CCDC179: variants seen among roughly 807,000 people sequenced by gnomAD.
CCDC179 encodes the protein coiled-coil domain containing 179.
In CCDC179, 17 loss-of-function variants were observed where a neutral mutation model predicts 12.0. That is an observed-to-expected ratio of 1.42 (90% CI 0.97 to 2.13). CCDC179 has a LOEUF of 2.13. CCDC179 is among the 30% of genes most tolerant of loss of function. The pLI, the probability that CCDC179 is intolerant of heterozygous loss-of-function variation, is 0.00. For synonymous variants in CCDC179, 27 were observed against 26.4 expected (o/e 1.02, Z -0.07); for missense variants, 83 against 78.6 (o/e 1.06, Z -0.21).
intron 3 of CCDC179, among the ~76,000 whole-genome samples, chr11:22,851,720 A>C (rs563662162): frequency 1.3e-5 from 2 of 152,364 alleles, no homozygotes; most frequent in South Asian, 4.1e-4. Flanking sequence ...AGAGCTTGCC[A>C]GGAACAAAAT....
At chr11:22,848,380 G>T (rs565312953) in intron 3 of CCDC179, among the ~76,000 whole-genome samples, 4 of 151,968 alleles carry the variant, frequency 2.6e-5, no homozygotes, top group Non-Finnish European at 5.9e-5. Context: ...GGAGGCGGAG[G>T]TTGCAGTGAG....
intron 3 of CCDC179, 95 bp from the exon 4 acceptor site, chr11:22,847,616 C>T: frequency 1.8e-6 from 1 of 554,412 alleles, no homozygotes; most frequent in Non-Finnish European, 2.8e-6. Flanking sequence ...GAAATGGTCT[C>T]ATGGAAAACC....
At chr11:22,859,410 A>G (rs886490210) in intron 2 of CCDC179, 42 bp downstream of exon 2, 5 of 1,368,710 alleles carry the variant, frequency 3.7e-6, no homozygotes, top group South Asian at 3.1e-5. Flanking sequence ...TACAAGCACA[A>G]TGTTTAAACA....
intron 3 of CCDC179, among the ~76,000 whole-genome samples, chr11:22,847,885 T>C (rs1858263884): frequency 6.6e-6 from 1 of 152,112 alleles, no homozygotes; most frequent in Non-Finnish European, 1.5e-5. Context: ...ATAGATGTGA[T>C]AGAGATGTTA....
intron 3 of CCDC179, among the ~76,000 whole-genome samples, chr11:22,850,699 CA>C (rs1008795625): frequency 2.0e-5 from 3 of 151,288 alleles, no homozygotes; most frequent in African/African-American, 7.3e-5. Context: ...TGTTAAGGGC[CA>C]AGTCATGGAA....
intron 3 of CCDC179, among the ~76,000 whole-genome samples, chr11:22,848,729 C>A (rs1364430421): frequency 6.6e-6 from 1 of 151,904 alleles, no homozygotes; most frequent in East Asian, 1.9e-4. Context: ...AAGCAAATTG[C>A]AAAATGTATA....
At chr11:22,853,733 A>C (rs887038857) in intron 3 of CCDC179, among the ~76,000 whole-genome samples, 1 of 150,728 alleles carries the variant, frequency 6.6e-6, no homozygotes, top group African/African-American at 2.5e-5. Flanking sequence ...AGGAAGAAGA[A>C]AGGAAGGAAG....
intron 3 of CCDC179, among the ~76,000 whole-genome samples, chr11:22,852,668 G>A (rs1370972607): frequency 6.6e-6 from 1 of 152,122 alleles, no homozygotes; most frequent in East Asian, 1.9e-4. Flanking sequence ...CCAACCAGCA[G>A]CCCATTCCCA....
intron 3 of CCDC179, 61 bp downstream of exon 3, chr11:22,857,861 A>G: frequency 1.2e-6 from 1 of 824,186 alleles, no homozygotes; most frequent in South Asian, 2.1e-5. Context: ...TACATGAATT[A>G]AAATGATGAT....
Position 22,847,309 on chromosome 11 carries a change from T to C in CCDC179, c.*201A>G. On this transcript the variant is annotated 3_prime_UTR_variant, in exon 4 of 4. Transcript: ENST00000532798. ...TCAAGTTTACCACAGGAAAGAAAAATATGGTAGTGAGAGATGGCATTTAAT... is the reference window on the plus strand; with the variant it reads ...TCAAGTTTACCACAGGAAAGAAAAACATGGTAGTGAGAGATGGCATTTAAT... The C allele has an allele frequency of 5.4e-6, 2 of 372,010 alleles. No individual in the cohort carries two copies. Among genetic ancestry groups the C allele is most frequent in the Non-Finnish European group, 9.5e-6 (2 of 210,888 alleles). The allele number at this position is 372,010 out of a possible 1,614,324, so 23.0% of individuals were successfully genotyped here. A position where few individuals can be genotyped will look rare whatever the true frequency, so the allele number is the denominator to read the frequency against.
intron 3 of CCDC179, among the ~76,000 whole-genome samples, chr11:22,852,337 T>G (rs7927085): frequency 6.6e-6 from 1 of 151,934 alleles, no homozygotes; most frequent in Non-Finnish European, 1.5e-5. Context: ...TTCCCCAAAA[T>G]TAAACCACCT....
chr11:22,857,881 A>T, intron 3 of CCDC179, 41 bp downstream of exon 3: 10 of 1,000,302 alleles, frequency 1.0e-5, no homozygotes, highest in Non-Finnish European at 1.4e-5. Context: ...TATCAGTTGC[A>T]TTTAATGATC....
chr11:22,857,398 C>A (rs1440516877), intron 3 of CCDC179, among the ~76,000 whole-genome samples: 4 of 151,522 alleles, frequency 2.6e-5, no homozygotes, highest in Non-Finnish European at 5.9e-5. Flanking sequence ...GAAGCAAAGG[C>A]AATACAATAG....
intron 3 of CCDC179, among the ~76,000 whole-genome samples, chr11:22,852,145 A>T (rs910550055): frequency 1.3e-5 from 2 of 152,198 alleles, no homozygotes; most frequent in Non-Finnish European, 2.9e-5. Context: ...AGCAAAGAAG[A>T]AGTTGTGAAA....
chr11:22,848,683 G>A (rs1858293670), intron 3 of CCDC179, among the ~76,000 whole-genome samples: 1 of 152,098 alleles, frequency 6.6e-6, no homozygotes, highest in Admixed American at 6.5e-5. Context: ...AGAAAAAAAT[G>A]AGAAGAGGGC....
chr11:22,850,078 A>G (rs1858336236), intron 3 of CCDC179, among the ~76,000 whole-genome samples: 2 of 152,164 alleles, frequency 1.3e-5, no homozygotes, highest in Admixed American at 1.3e-4. Flanking sequence ...TCTTATGCAG[A>G]TGAACTTACC....
At chr11:22,855,421 T>A (rs1168265649) in intron 3 of CCDC179, among the ~76,000 whole-genome samples, 1 of 151,488 alleles carries the variant, frequency 6.6e-6, no homozygotes, top group Non-Finnish European at 1.5e-5. Flanking sequence ...CCTCAAATAT[T>A]TGGAAATTAA....
At chr11:22,852,325 C>G (rs1858425914) in intron 3 of CCDC179, among the ~76,000 whole-genome samples, 1 of 152,086 alleles carries the variant, frequency 6.6e-6, no homozygotes, top group Admixed American at 6.5e-5. Context: ...TAATAATAGC[C>G]CTTCCCCAAA....
rs943634515 is a variant in CCDC179, at chr11:22,858,074, A to G, written c.91-48T>C. On this transcript the variant is annotated intron_variant, in intron 2 of 3. Transcript: ENST00000532798. ...GAAAAATCATACTTTTTTGTAACAT[A>G]TAAAGGTAACATTCTGATTACATTT... 15 of 1,211,542 alleles carry G rather than the reference A, an allele frequency of 1.2e-5. No homozygotes were observed. In the African/African-American group the frequency reaches 1.4e-4, roughly 11 times the overall value. 75.0% of individuals were successfully genotyped at this position (1,211,542 alleles called of 1,614,324 possible).
Sources: allele counts gnomAD v4.1 joint callset (sites outside exome capture counted in the v4.1 genomes callset), GRCh38; gene constraint gnomAD v4.1.1; transcripts MANE v1.5; gene names NCBI Gene and HGNC (gene_info 2026-07-23, HGNC 2026-07-21).